Variants in SEMA6D observed in about 807,000 individuals in gnomAD.
The protein encoded by SEMA6D is semaphorin 6D.
Under a neutral mutation model 106.6 loss-of-function variants are expected in SEMA6D, and 35 were observed. The ratio of observed to expected loss-of-function variants is 0.33; its 90% CI spans 0.25 to 0.44. The LOEUF is 0.44. Ranked by LOEUF, SEMA6D falls within the 20% of genes least tolerant of loss-of-function variation. SEMA6D has a pLI of 1.00. For synonymous variants in SEMA6D, 499 were observed against 487.7 expected (o/e 1.02, Z -0.31); for missense variants, 1,185 against 1,345.9 (o/e 0.88, Z 1.87).
In SEMA6D at chr15:47,312,428, C is replaced by T. The variant is rs377710880; in HGVS notation, c.-238-99965C>T. ...TATCTTTATGCACATCTGCTCCAGT[C>T]GGGCTGTTTTCCTCGCCATGATCTG... On this transcript the variant is annotated intron_variant, in intron 1 of 19. Transcript: ENST00000558014. Among the ~76,000 whole-genome samples the T allele has an allele frequency of 5.9e-5, 9 of 152,232 alleles. 1 individual carries two copies. In the South Asian group the frequency reaches 1.5e-3, roughly 25 times the overall value.
chr15:47,461,085 T>C (rs2042494298), intron 2 of SEMA6D, among the ~76,000 whole-genome samples: 1 of 152,124 alleles, frequency 6.6e-6, no homozygotes, highest in African/African-American at 2.4e-5. Context: ...TCTATGCCAA[T>C]GCGTTTGTAC....
At chr15:47,709,570 T>C (rs934715697) in intron 4 of SEMA6D, among the ~76,000 whole-genome samples, 1 of 152,182 alleles carries the variant, frequency 6.6e-6, no homozygotes, top group African/African-American at 2.4e-5. Flanking sequence ...AATGAATGAG[T>C]GAATGATCCT....
intron 1 of SEMA6D, among the ~76,000 whole-genome samples, chr15:47,277,126 G>T (rs1352924718): frequency 6.6e-6 from 1 of 152,064 alleles, no homozygotes; most frequent in Non-Finnish European, 1.5e-5. Context: ...AATGGATGAG[G>T]AGTTGCTTCT....
intron 3 of SEMA6D, among the ~76,000 whole-genome samples, chr15:47,498,871 T>A (rs1386129161): frequency 6.6e-6 from 1 of 152,172 alleles, no homozygotes; most frequent in East Asian, 1.9e-4. Flanking sequence ...TCAGGGTAGA[T>A]ATTCCAGGTA....
intron 3 of SEMA6D, among the ~76,000 whole-genome samples, chr15:47,490,467 G>C (rs999441221): frequency 6.6e-6 from 1 of 151,970 alleles, no homozygotes. Flanking sequence ...AATATGGTGA[G>C]ACCCTGTCTC....
chr15:47,556,287 C>T (rs1443020698), intron 3 of SEMA6D, among the ~76,000 whole-genome samples: 2 of 152,090 alleles, frequency 1.3e-5, no homozygotes. Flanking sequence ...TACTCCTTTC[C>T]GATTCCCCGT....
intron 3 of SEMA6D, among the ~76,000 whole-genome samples, chr15:47,590,562 A>C (rs536446670): frequency 6.6e-6 from 1 of 152,298 alleles, no homozygotes; most frequent in Non-Finnish European, 1.5e-5. Flanking sequence ...AAATTAATAC[A>C]CAAAAAAAGA....
intron 1 of SEMA6D, among the ~76,000 whole-genome samples, chr15:47,257,663 A>C (rs1000116084): frequency 2.0e-5 from 3 of 152,136 alleles, no homozygotes; most frequent in African/African-American, 7.2e-5. Flanking sequence ...AATTCTGTTA[A>C]ATTTGTGAAA....
intron 2 of SEMA6D, among the ~76,000 whole-genome samples, chr15:47,456,580 G>A (rs187298675): frequency 6.6e-6 from 1 of 152,046 alleles, no homozygotes; most frequent in East Asian, 1.9e-4. Context: ...TCTACTTTTA[G>A]CAGTGAAGGA....
chr15:47,771,547 T>G lies in SEMA6D; in HGVS notation c.2984T>G (p.Met995Arg). 6.2e-7 allele frequency: 1 copy of G among 1,614,122 alleles called. No individual in the cohort carries two copies. Among genetic ancestry groups the G allele is most frequent in the Non-Finnish European group, 8.5e-7 (1 of 1,179,990 alleles). Residue 995 changes from methionine (M) to arginine (R), a missense_variant, in exon 19 of 19, where the codon ATG becomes AGG. Met to Arg is a moderately conservative substitution (Grantham distance 91). This residue lies in a region of SEMA6D where 750 missense variants were observed against 783.5 expected (regional missense o/e 0.96). Transcript: ENST00000536845. ...NGVLLSRQPS[M>R]NRGGYMPTPT... ...GTTTTGTTATCCAGACAGCCTAGTA[T>G]GAACCGTGGAGGATATATGCCCACC...
chr15:47,413,446 T>C (rs912543636), intron 2 of SEMA6D, among the ~76,000 whole-genome samples: 1 of 152,138 alleles, frequency 6.6e-6, no homozygotes, highest in African/African-American at 2.4e-5. Flanking sequence ...GTACATTCAG[T>C]TCTCTGAGAG....
chr15:47,481,319 C>A (rs887523154), intron 3 of SEMA6D, among the ~76,000 whole-genome samples: 18 of 152,124 alleles, frequency 1.2e-4, no homozygotes, highest in African/African-American at 4.3e-4. Context: ...TCCACAGCTG[C>A]CCCCATTTAT....
chr15:47,572,537 G>A (rs2076080408), intron 3 of SEMA6D, among the ~76,000 whole-genome samples: 1 of 152,136 alleles, frequency 6.6e-6, no homozygotes, highest in Non-Finnish European at 1.5e-5. Flanking sequence ...CATCTGTTCA[G>A]AAATTACCTG....
rs76679458 is a variant in SEMA6D at position 47,308,332 on chromosome 15, G to A, written c.-238-104061G>A. On this transcript the variant is annotated intron_variant, in intron 1 of 19. Transcript: ENST00000558014. ...TTTCCTTATATGCCAAATGGGAATG[G>A]GCCATCTAGAAGTTAAATGAGAATA... is the stretch of plus-strand genomic sequence containing the variant. 6.9e-3 allele frequency among the ~76,000 whole-genome samples: 1,043 copies of A among 152,114 alleles called. 21 individuals are homozygous for A. The highest frequency in any genetic ancestry group is 0.06 in the East Asian group (311 of 5,184).
chr15:47,761,790 A>G (rs376719444), intron 7 of SEMA6D, 39 bp downstream of exon 7: 14 of 1,490,406 alleles, frequency 9.4e-6, no homozygotes, highest in Non-Finnish European at 1.2e-5. Flanking sequence ...ATGATTAATG[A>G]CATTGAAGGT....
In SEMA6D at chr15:47,532,012, C is replaced by G. The variant is rs187990006; in HGVS notation, c.-87+61467C>G. Among the ~76,000 whole-genome samples the G allele has an allele frequency of 4.6e-3, 696 of 152,276 alleles. 2 individuals are homozygous for G. The highest frequency in any genetic ancestry group is 7.3e-3 in the Non-Finnish European group (498 of 68,022). On this transcript the variant is annotated intron_variant, in intron 3 of 19. Transcript: ENST00000558014. Reference sequence around the variant, plus strand: ...TGGCACCTCTACTCTTCTCTTCACACTATACACTCCAGCCCCACTCCCGGC... The same window carrying G: ...TGGCACCTCTACTCTTCTCTTCACAGTATACACTCCAGCCCCACTCCCGGC...
intron 2 of SEMA6D, among the ~76,000 whole-genome samples, chr15:47,452,452 A>T (rs2042222972): frequency 6.6e-6 from 1 of 152,012 alleles, no homozygotes; most frequent in Admixed American, 6.6e-5. Flanking sequence ...TACATAGAAG[A>T]ATAAATATTT....
chr15:47,696,340 TG>T (rs2078698317), intron 4 of SEMA6D, among the ~76,000 whole-genome samples: 1 of 152,110 alleles, frequency 6.6e-6, no homozygotes. Flanking sequence ...TCCTGAGCAA[TG>T]GGGTTTCTTG....
At chr15:47,523,461 C>T (rs929890009) in intron 3 of SEMA6D, among the ~76,000 whole-genome samples, 9 of 151,814 alleles carry the variant, frequency 5.9e-5, no homozygotes, top group African/African-American at 2.2e-4. Flanking sequence ...GGAAGAAACA[C>T]CAATGTTCCA....
Sources: gnomAD v4.1 joint callset for allele counts (sites outside exome capture counted in the v4.1 genomes callset) on GRCh38, gnomAD v4.1.1 for gene constraint, gnomAD v4.1.1 regional missense constraint, MANE v1.5 for transcripts, NCBI Gene and HGNC (gene_info 2026-07-23, HGNC 2026-07-21) for gene names.